Variants in SLIT3 observed in about 807,000 individuals in gnomAD.
SLIT3 encodes the protein slit homolog 3 protein.
A neutral mutation model predicts 184.0 loss-of-function variants in SLIT3; 68 were observed. The observed-to-expected ratio is 0.37, with a 90% CI of 0.30 to 0.45. SLIT3 has a LOEUF of 0.45. Among genes scored for constraint, SLIT3 ranks in the 20% least tolerant of loss-of-function variants. The pLI is 1.00. For missense variants in SLIT3, 1,707 were observed against 2,026.0 expected, an observed-to-expected ratio of 0.84 and a Z score of 3.02; for synonymous variants, 831 against 828.6, an observed-to-expected ratio of 1.00 and a Z score of -0.05.
intron 1 of SLIT3, among the ~76,000 whole-genome samples, chr5:169,259,641 A>C (rs1295950836): frequency 6.6e-6 from 1 of 152,220 alleles, no homozygotes; most frequent in South Asian, 2.1e-4. Flanking sequence ...GCTACCATAC[A>C]ATGCAGTTAT....
intron 6 of SLIT3, among the ~76,000 whole-genome samples, chr5:168,832,762 C>T (rs532052513): frequency 5.3e-5 from 8 of 152,248 alleles, no homozygotes; most frequent in Non-Finnish European, 7.4e-5. Context: ...GAAAGCCAGA[C>T]GTCTAGAATT....
intron 5 of SLIT3, among the ~76,000 whole-genome samples, chr5:168,869,749 G>A (rs2113763886): frequency 6.6e-6 from 1 of 152,338 alleles, no homozygotes; most frequent in African/African-American, 2.4e-5. Flanking sequence ...TGGACCATGT[G>A]CTGTATGTAC....
intron 2 of SLIT3, among the ~76,000 whole-genome samples, chr5:169,248,206 C>A (rs1765662799): frequency 6.6e-6 from 1 of 152,152 alleles, no homozygotes. Flanking sequence ...CCTCAAGGAA[C>A]TACACTATCT....
At chr5:169,042,443 T>C (rs1220478737) in intron 4 of SLIT3, among the ~76,000 whole-genome samples, 1 of 152,218 alleles carries the variant, frequency 6.6e-6, no homozygotes, top group Non-Finnish European at 1.5e-5. Context: ...TTAGATGTTA[T>C]CAAAGACGGA....
chr5:169,125,604 C>T (rs1314751019), intron 4 of SLIT3, among the ~76,000 whole-genome samples: 6 of 152,168 alleles, frequency 3.9e-5, no homozygotes, highest in Admixed American at 6.5e-5. Flanking sequence ...TCCACACTCA[C>T]GGAGCCAGAT....
At chr5:168,824,809 C>T (rs1437293490) in intron 6 of SLIT3, among the ~76,000 whole-genome samples, 1 of 152,222 alleles carries the variant, frequency 6.6e-6, no homozygotes, top group East Asian at 1.9e-4. Context: ...CCTGAGCCTC[C>T]ATGGGTCCCT....
chr5:169,065,334 T>C (rs905939341), intron 4 of SLIT3, among the ~76,000 whole-genome samples: 1 of 152,096 alleles, frequency 6.6e-6, no homozygotes, highest in African/African-American at 2.4e-5. Flanking sequence ...AAAAGAATGA[T>C]AGAAGAAATA....
At chr5:169,291,611 T>C (rs879643251) in intron 1 of SLIT3, among the ~76,000 whole-genome samples, 1 of 152,238 alleles carries the variant, frequency 6.6e-6, no homozygotes, top group Non-Finnish European at 1.5e-5. Flanking sequence ...GATGGCTCTG[T>C]TTCACCAGGT....
At chr5:169,087,960 G>C (rs184163320) in intron 4 of SLIT3, among the ~76,000 whole-genome samples, 1 of 152,106 alleles carries the variant, frequency 6.6e-6, no homozygotes, top group Non-Finnish European at 1.5e-5. Flanking sequence ...ACTTTCCTCC[G>C]TTCTCTTTAT....
chr5:169,088,055 C>T (rs1759386846), intron 4 of SLIT3, among the ~76,000 whole-genome samples: 1 of 152,196 alleles, frequency 6.6e-6, no homozygotes, highest in Non-Finnish European at 1.5e-5. Context: ...AGAGGTGCCC[C>T]TAGCTGCCAA....
chr5:169,290,017 G>A (rs1202924283), intron 1 of SLIT3, among the ~76,000 whole-genome samples: 3 of 151,690 alleles, frequency 2.0e-5, no homozygotes, highest in Non-Finnish European at 4.4e-5. Flanking sequence ...GCACACACTA[G>A]GGAATATGCT....
intron 4 of SLIT3, among the ~76,000 whole-genome samples, chr5:169,105,205 T>C (rs945217044): frequency 1.3e-5 from 2 of 152,136 alleles, no homozygotes; most frequent in Admixed American, 6.5e-5. Context: ...GCGTCACAAA[T>C]ACTGTTTAAT....
At chr5:168,801,157 G>A (rs1300745015) in intron 9 of SLIT3, among the ~76,000 whole-genome samples, 6 of 152,006 alleles carry the variant, frequency 3.9e-5, no homozygotes, top group Non-Finnish European at 7.4e-5. Context: ...CTTCTCCTTC[G>A]TACCACCTGC....
At chr5:169,291,049 G>T (rs1407206202) in intron 1 of SLIT3, among the ~76,000 whole-genome samples, 1 of 152,130 alleles carries the variant, frequency 6.6e-6, no homozygotes, top group Non-Finnish European at 1.5e-5. Context: ...ATGAATCAGG[G>T]GTCAGGAACC....
Position 169,118,727 on chromosome 5 carries a change from C to A in SLIT3, c.413+74752G>T, listed in dbSNP as rs1400540574. Among the ~76,000 whole-genome samples the A allele has an allele frequency of 7.2e-5, 11 of 152,110 alleles. No homozygotes were observed. In the South Asian group the frequency reaches 1.5e-3, roughly 20 times the overall value. ...TACTGCCATTTGGCATTTTCAGGAA[C>A]CTGTTCATGTAAAAACCTGCCACTC... On this transcript the variant is annotated intron_variant, in intron 4 of 35. Transcript: ENST00000519560.
chr5:169,001,199 C>T (rs760288259), intron 4 of SLIT3, among the ~76,000 whole-genome samples: 3 of 152,192 alleles, frequency 2.0e-5, no homozygotes, highest in Non-Finnish European at 4.4e-5. Context: ...CCAACCCTTT[C>T]AGCCCTTTCT....
intron 4 of SLIT3, among the ~76,000 whole-genome samples, chr5:168,955,394 C>T (rs1241677177): frequency 6.6e-6 from 1 of 152,180 alleles, no homozygotes; most frequent in East Asian, 1.9e-4. Flanking sequence ...ATGGTTAGGA[C>T]TCAATTGCTC....
At chr5:168,938,742 C>T (rs749401694) in intron 4 of SLIT3, among the ~76,000 whole-genome samples, 4 of 152,064 alleles carry the variant, frequency 2.6e-5, no homozygotes, top group African/African-American at 4.8e-5. Context: ...GCGATTCTCC[C>T]GCCTCAGCCT....
chr5:169,059,151 A>C (rs747450686), intron 4 of SLIT3, among the ~76,000 whole-genome samples: 2 of 152,164 alleles, frequency 1.3e-5, no homozygotes, highest in South Asian at 2.1e-4. Flanking sequence ...TTCTTGGTAG[A>C]GTCACTGTCA....
Sources: gnomAD v4.1 joint callset for allele counts (sites outside exome capture counted in the v4.1 genomes callset) on GRCh38, gnomAD v4.1.1 for gene constraint, MANE v1.5 for transcripts, NCBI Gene and HGNC (gene_info 2026-07-23, HGNC 2026-07-21) for gene names.